Variants in AGO3 observed in about 807,000 individuals in gnomAD.
The protein encoded by AGO3 is argonaute RISC catalytic component 3.
Under a neutral mutation model 105.5 loss-of-function variants are expected in AGO3, and 16 were observed. The ratio of observed to expected loss-of-function variants is 0.15; its 90% CI spans 0.10 to 0.23. The LOEUF (loss-of-function observed/expected upper bound fraction) is 0.23. Ranked by LOEUF, AGO3 falls within the 10% of genes least tolerant of loss-of-function variation. The pLI, the probability that AGO3 is intolerant of heterozygous loss-of-function variation, is 1.00. For missense variants in AGO3, 534 were observed against 1,088.0 expected (o/e 0.49, Z 7.16); for synonymous variants, 340 against 367.3 (o/e 0.93, Z 0.85).
chr1:35,942,129 C>A (rs1646267650), intron 1 of AGO3, among the ~76,000 whole-genome samples: 1 of 152,174 alleles, frequency 6.6e-6, no homozygotes, highest in South Asian at 2.1e-4. Context: ...AGATTATGCC[C>A]TCTGAAGAGA....
intron 6 of AGO3, among the ~76,000 whole-genome samples, chr1:36,007,459 G>T (rs1640392189): frequency 6.6e-6 from 1 of 152,176 alleles, no homozygotes; most frequent in African/African-American, 2.4e-5. Flanking sequence ...CACTTTGGGA[G>T]GCCAAGGTGG....
Position 36,055,119 on chromosome 1 carries a change from T to C in AGO3, c.2448T>C (p.Tyr816=), listed in dbSNP as rs753998720. The stretch of plus-strand genomic sequence containing the variant: ...ACCTGGTAGCATTTAGAGCCAGATA[T>C]CATCTTGTGGACAAAGAACATGACA... ...YAHLVAFRAR[Y]HLVDKEHDSA... is the part of the protein sequence containing the mutation. The change falls in exon 18 of 19, where the codon TAT becomes TAC. Residue 816 remains tyrosine, a synonymous_variant. Coordinates refer to ENST00000373191, the MANE Select transcript of AGO3 (RefSeq NM_024852.4). The surrounding 1 kb of genome is among the most constrained non-coding windows in gnomAD (Gnocchi z 4.4). 2.5e-6 allele frequency: 4 copies of C among 1,610,092 alleles called. No homozygotes were observed. Among genetic ancestry groups the C allele is most frequent in the Admixed American group, 1.7e-5 (1 of 59,294 alleles).
intron 5 of AGO3, among the ~76,000 whole-genome samples, chr1:35,992,840 G>C (rs2148795973): frequency 6.6e-6 from 1 of 152,310 alleles, no homozygotes; most frequent in African/African-American, 2.4e-5. Context: ...GATGGTTCTA[G>C]TTCATGAGGC....
At chr1:35,963,095 A>T (rs1363055217) in intron 2 of AGO3, among the ~76,000 whole-genome samples, 1 of 152,240 alleles carries the variant, frequency 6.6e-6, no homozygotes, top group African/African-American at 2.4e-5. Flanking sequence ...TACATCATTT[A>T]CTTGATAAGA....
intron 16 of AGO3, among the ~76,000 whole-genome samples, chr1:36,042,807 A>G (rs1223186498): frequency 3.3e-5 from 5 of 152,224 alleles, no homozygotes; most frequent in Non-Finnish European, 4.4e-5. Context: ...AACTGATAGT[A>G]TGAAATAAAA....
At chr1:36,010,849 T>C (rs1000622051) in intron 9 of AGO3, among the ~76,000 whole-genome samples, 2 of 134,488 alleles carry the variant, frequency 1.5e-5, no homozygotes, top group African/African-American at 2.9e-5. Flanking sequence ...CAGGTTGCGG[T>C]GAGTCGGGAT....
chr1:35,931,848 T>C lies in AGO3; in HGVS notation c.19+403T>C, dbSNP rs897732410. Among the ~76,000 whole-genome samples, 4 of 152,196 alleles carry C rather than the reference T, an allele frequency of 2.6e-5. No individual in the cohort carries two copies. The South Asian group carries it at 6.2e-4, about 24-fold the overall frequency. Reference sequence around the variant, plus strand: ...CTACCTCTTAGGATAGTTGTGAAGATAGGCTGAGATAACGGATAACTTCAG... The same window carrying C: ...CTACCTCTTAGGATAGTTGTGAAGACAGGCTGAGATAACGGATAACTTCAG... On this transcript the variant is annotated intron_variant, in intron 1 of 18. Transcript: ENST00000373191.
Position 36,055,145 on chromosome 1 carries a change from G to A in AGO3, c.2474G>A (p.Ser825Asn). The part of the protein sequence containing the change: ...RYHLVDKEHD[S>N]AEGSHVSGQS... ...CATCTTGTGGACAAAGAACATGACAGGTAATATAAAAGCATAACAGGTTCT... is the reference window on the plus strand; with the variant it reads ...CATCTTGTGGACAAAGAACATGACAAGTAATATAAAAGCATAACAGGTTCT... Residue 825 changes from serine to asparagine, a missense_variant and splice_region_variant, in exon 18 of 19, where the codon AGT (serine) becomes AAT (asparagine). Physicochemically the swap from Ser to Asn is conservative, Grantham distance 46 (BLOSUM62 1). Coordinates refer to ENST00000373191, the MANE Select transcript of AGO3 (RefSeq NM_024852.4). The surrounding 1 kb of genome is among the most constrained non-coding windows in gnomAD (Gnocchi z 4.4). 6.3e-7 allele frequency: 1 copy of A among 1,591,712 alleles called. No homozygotes were observed. Among genetic ancestry groups the A allele is most frequent in the Non-Finnish European group, 8.6e-7 (1 of 1,167,660 alleles).
chr1:35,999,159 C>A (rs930892650), intron 5 of AGO3, among the ~76,000 whole-genome samples: 5 of 152,070 alleles, frequency 3.3e-5, no homozygotes, highest in Non-Finnish European at 5.9e-5. Flanking sequence ...TTGAGACCAG[C>A]CTGGCCAACA....
chr1:36,047,747 G>A (rs1642535347), intron 17 of AGO3, among the ~76,000 whole-genome samples: 1 of 151,934 alleles, frequency 6.6e-6, no homozygotes, highest in Admixed American at 6.6e-5. Context: ...CAGGCATGGT[G>A]GCATGCACCT....
In AGO3 at chr1:36,009,500, G is replaced by T. The variant is rs764504147; in HGVS notation, c.1055G>T (p.Arg352Leu). ...LEVCNIVAGQ[R>L]CIKKLTDNQT... ...GTCTGTAATATTGTGGCAGGGCAAC[G>T]ATGTATCAAGAAGCTAACAGACAAT... Residue 352 changes from arginine to leucine, a missense_variant, in exon 9 of 19, where the codon CGA (arginine) becomes CTA (leucine). Coordinates refer to ENST00000373191, the MANE Select transcript of AGO3 (RefSeq NM_024852.4). 1 of 1,613,446 alleles carries T rather than the reference G, an allele frequency of 6.2e-7. No homozygotes were observed. Among genetic ancestry groups the T allele is most frequent in the Non-Finnish European group, 8.5e-7 (1 of 1,179,832 alleles).
intron 5 of AGO3, among the ~76,000 whole-genome samples, chr1:35,996,307 G>A (rs1174866765): frequency 2.0e-5 from 3 of 149,554 alleles, no homozygotes; most frequent in Non-Finnish European, 4.4e-5. Context: ...GGGCAACAGA[G>A]CAAGACTCTG....
Position 36,056,851 on chromosome 1 carries a change from C to G in AGO3, c.*1106C>G, listed in dbSNP as rs2148866966. ...CCGCCTCTCGGGTTCAAGCAATTCT[C>G]CTGCCTCAGCCTCCCGAGTAGCTGG... On this transcript the variant is annotated 3_prime_UTR_variant, in exon 19 of 19. Coordinates refer to ENST00000373191, the MANE Select transcript of AGO3 (RefSeq NM_024852.4). The G allele has an allele frequency of 6.6e-6, 1 of 152,226 alleles. No individual in the cohort carries two copies. The highest frequency in any genetic ancestry group is 1.9e-4 in the East Asian group (1 of 5,166). The allele number at this position is 152,226 out of a possible 1,614,324, so 9.4% of individuals were successfully genotyped here.
intron 4 of AGO3, 152 bp downstream of exon 4, chr1:35,972,384 G>A (rs1192890014): frequency 1.1e-6 from 1 of 928,898 alleles, no homozygotes; most frequent in African/African-American, 1.7e-5. Context: ...TCATTGACAG[G>A]AGTACGTTAC....
intron 14 of AGO3, among the ~76,000 whole-genome samples, chr1:36,037,784 A>G (rs187623729): frequency 3.9e-5 from 6 of 152,194 alleles, no homozygotes; most frequent in Non-Finnish European, 7.3e-5. Context: ...TCTAACATTC[A>G]TTAAAGTGTT....
chr1:35,994,624 G>T (rs762057657), intron 5 of AGO3, among the ~76,000 whole-genome samples: 5 of 152,018 alleles, frequency 3.3e-5, no homozygotes, highest in Non-Finnish European at 7.4e-5. Flanking sequence ...CTACATTAAA[G>T]AATCTACCAA....
chr1:36,055,609 T>G lies in AGO3; in HGVS notation c.2475-28T>G. 6.3e-7 allele frequency: 1 copy of G among 1,598,824 alleles called. No individual in the cohort carries two copies. Among genetic ancestry groups the G allele is most frequent in the Non-Finnish European group, 8.6e-7 (1 of 1,168,214 alleles). On this transcript the variant is annotated intron_variant, in intron 18 of 18. Transcript: ENST00000373191. The surrounding 1 kb of genome is among the most constrained non-coding windows in gnomAD (Gnocchi z 4.4). ...ATTACATCAGAATAGAAAGTTTGTT[T>G]TTGTGTTCATTGCCACTTCTCTTAC...
chr1:35,946,279 A>G (rs1646363815), intron 2 of AGO3, among the ~76,000 whole-genome samples: 2 of 152,168 alleles, frequency 1.3e-5, no homozygotes, highest in Admixed American at 1.3e-4. Context: ...TACTGGTTTC[A>G]TGCTTTCTTT....
intron 5 of AGO3, among the ~76,000 whole-genome samples, chr1:35,993,522 A>G (rs1215203571): frequency 1.3e-5 from 2 of 152,004 alleles, no homozygotes; most frequent in African/African-American, 4.8e-5. Flanking sequence ...GGTGAAACAA[A>G]TTCCTTGACA....
Sources: allele counts gnomAD v4.1 joint callset (sites outside exome capture counted in the v4.1 genomes callset), GRCh38; gene constraint gnomAD v4.1.1; non-coding constraint Gnocchi (gnomAD v3.1); transcripts MANE v1.5; gene names NCBI Gene and HGNC (gene_info 2026-07-23, HGNC 2026-07-21).